The following L3MBTL4 variants were observed in gnomAD, a reference collection of about 807,000 sequenced individuals.
L3MBTL4 encodes L3MBTL histone methyl-lysine binding protein 4, also known as lethal(3)malignant brain tumor-like protein 4.
In L3MBTL4, 70 loss-of-function variants were observed where a neutral mutation model predicts 84.5. The observed-to-expected ratio is 0.83, with a 90% confidence interval of 0.68 to 1.01. The LOEUF (loss-of-function observed/expected upper bound fraction) is 1.01. L3MBTL4 is among the 50% of genes least tolerant of loss of function. L3MBTL4 has a pLI of 0.00. For synonymous variants in L3MBTL4, 274 were observed against 259.8 expected (o/e 1.05, Z -0.52); for missense variants, 715 against 754.8 (o/e 0.95, Z 0.62).
intron 14 of L3MBTL4, among the ~76,000 whole-genome samples, chr18:6,116,362 T>G (rs1339807253): frequency 1.4e-5 from 1 of 72,924 alleles, no homozygotes; most frequent in South Asian, 5.5e-4. Context: ...GTTGCTGGTT[T>G]TTTTTTTTTT....
chr18:6,158,691 T>C (rs1375693457), intron 13 of L3MBTL4, among the ~76,000 whole-genome samples: 9 of 152,178 alleles, frequency 5.9e-5, no homozygotes, highest in Non-Finnish European at 1.3e-4. Flanking sequence ...TGTACATCTG[T>C]AGAAAGAGAT....
intron 1 of L3MBTL4, among the ~76,000 whole-genome samples, chr18:6,330,951 A>G (rs899770274): frequency 6.6e-5 from 10 of 152,234 alleles, no homozygotes; most frequent in African/African-American, 2.2e-4. Flanking sequence ...GGCTACAGAA[A>G]TATAAAATAA....
intron 1 of L3MBTL4, among the ~76,000 whole-genome samples, chr18:6,351,758 A>G (rs1219272117): frequency 4.0e-5 from 6 of 151,878 alleles, no homozygotes; most frequent in South Asian, 4.2e-4. Context: ...TCACCATGTT[A>G]GCCAGGATGG....
rs115159093 is a variant in L3MBTL4, at chr18:6,183,920, C to T, written c.982-11978G>A. On this transcript the variant is annotated intron_variant, in intron 12 of 18. Coordinates refer to ENST00000317931, the MANE Select transcript of L3MBTL4 (RefSeq NM_001330559.2). ...CTCATTATAACATTAAAAAAATACACGTTAGTCTAACGTTGCAAAATTTCC... is the reference window on the plus strand; with the variant it reads ...CTCATTATAACATTAAAAAAATACATGTTAGTCTAACGTTGCAAAATTTCC... 2.1e-3 allele frequency among the ~76,000 whole-genome samples: 318 copies of T among 152,182 alleles called. 2 individuals carry two copies. Among genetic ancestry groups the T allele is most frequent in the Middle Eastern group, 0.01 (3 of 292 alleles).
In L3MBTL4 at chr18:6,414,420, C is replaced by G. The variant is rs990419063; in HGVS notation, c.-91+381G>C. On this transcript the variant is annotated intron_variant, in intron 1 of 18. Transcript: ENST00000317931. The surrounding 1 kb of genome is among the most constrained non-coding windows in gnomAD (Gnocchi z 5.4). ...CCTGGGGGCCCTCAGGAGTCCCGTC[C>G]CGTCCCGCTCCCCCGGTCCCAGGCT... Among the ~76,000 whole-genome samples, 13 of 152,166 alleles carry G rather than the reference C, an allele frequency of 8.5e-5. No individual in the cohort carries two copies. Among genetic ancestry groups the G allele is most frequent in the Non-Finnish European group, 1.2e-4 (8 of 67,970 alleles).
chr18:6,243,712 G>A (rs1245514280), intron 6 of L3MBTL4, among the ~76,000 whole-genome samples: 1 of 152,136 alleles, frequency 6.6e-6, no homozygotes, highest in Non-Finnish European at 1.5e-5. Flanking sequence ...TAATTAACTG[G>A]TTTATTTATT....
chr18:6,414,902 C>T lies in L3MBTL4; in HGVS notation c.-192G>A, dbSNP rs1386714640. 6.7e-6 allele frequency: 1 copy of T among 149,580 alleles called. No homozygotes were observed. Among genetic ancestry groups the T allele is most frequent in the African/African-American group, 2.4e-5 (1 of 41,236 alleles). The allele number at this position is 149,580 out of a possible 1,614,324, so 9.3% of individuals were successfully genotyped here. On this transcript the variant is annotated 5_prime_UTR_variant, in exon 1 of 19. Coordinates refer to ENST00000317931, the MANE Select transcript of L3MBTL4 (RefSeq NM_001330559.2). The surrounding 1 kb of genome is among the most constrained non-coding windows in gnomAD (Gnocchi z 5.4). The stretch of plus-strand genomic sequence containing the variant: ...AGCCCAGGCTGCGGCGCCGCTGCCC[C>T]GCGGTGCCCGGCGGGAGGGGCGCGA...
At chr18:6,412,518 T>C (rs1183348657) in intron 1 of L3MBTL4, among the ~76,000 whole-genome samples, 4 of 152,104 alleles carry the variant, frequency 2.6e-5, no homozygotes, top group Middle Eastern at 3.2e-3. Flanking sequence ...GTGCTGGTGC[T>C]TCCTACGCAG....
intron 13 of L3MBTL4, among the ~76,000 whole-genome samples, chr18:6,150,064 T>C (rs991235552): frequency 2.6e-5 from 4 of 152,230 alleles, no homozygotes; most frequent in Non-Finnish European, 5.9e-5. Context: ...CCCCAGCTCT[T>C]GAACTGTTTT....
At chr18:6,261,612 C>T (rs1202904896) in intron 5 of L3MBTL4, among the ~76,000 whole-genome samples, 1 of 152,164 alleles carries the variant, frequency 6.6e-6, no homozygotes, top group Non-Finnish European at 1.5e-5. Flanking sequence ...GCTACATGAC[C>T]CAGAGCCTAT....
chr18:6,281,286 C>T (rs1344249780), intron 4 of L3MBTL4, among the ~76,000 whole-genome samples: 2 of 152,172 alleles, frequency 1.3e-5, no homozygotes, highest in African/African-American at 4.8e-5. Flanking sequence ...CAAAACAAAG[C>T]ATCCATAGCT....
rs567154677 is a variant in L3MBTL4 at position 5,990,637 on chromosome 18, T to G, written c.1445-21075A>C. Among the ~76,000 whole-genome samples, 4 of 152,332 alleles carry G rather than the reference T, an allele frequency of 2.6e-5. No homozygotes were observed. The East Asian group carries it at 7.7e-4, about 29-fold the overall frequency. ...TTTTGCTTATGTGCGTGGATAGTAA[T>G]TGAGTCCCATGTTTCCTCTATAAAA... On this transcript the variant is annotated intron_variant, in intron 16 of 18. Coordinates refer to ENST00000317931, the MANE Select transcript of L3MBTL4 (RefSeq NM_001330559.2).
intron 4 of L3MBTL4, among the ~76,000 whole-genome samples, chr18:6,297,813 C>T (rs1411403484): frequency 6.6e-6 from 1 of 152,198 alleles, no homozygotes; most frequent in African/African-American, 2.4e-5. Flanking sequence ...GACCAGTCCC[C>T]TGGGGGTCTC....
chr18:6,070,151 T>A (rs2057537093), intron 16 of L3MBTL4, among the ~76,000 whole-genome samples: 1 of 152,110 alleles, frequency 6.6e-6, no homozygotes, highest in African/African-American at 2.4e-5. Context: ...TTTGAGGAGA[T>A]AATGGTCAAA....
intron 13 of L3MBTL4, among the ~76,000 whole-genome samples, chr18:6,163,409 A>G (rs930673927): frequency 1.3e-5 from 2 of 152,018 alleles, no homozygotes; most frequent in African/African-American, 4.8e-5. Flanking sequence ...AATCAATAAA[A>G]CATAAATATT....
At chr18:6,278,206 C>A (rs2146548049) in intron 4 of L3MBTL4, among the ~76,000 whole-genome samples, 1 of 152,062 alleles carries the variant, frequency 6.6e-6, no homozygotes, top group South Asian at 2.1e-4. Flanking sequence ...TAATGTTTTG[C>A]TATATATTTG....
chr18:6,057,009 TTTTTC>T (rs2057049222), intron 16 of L3MBTL4, among the ~76,000 whole-genome samples: 1 of 152,040 alleles, frequency 6.6e-6, no homozygotes, highest in Non-Finnish European at 1.5e-5. Context: ...CCACTGCTAA[TTTTTC>T]TTTTCTTTCT....
intron 5 of L3MBTL4, among the ~76,000 whole-genome samples, chr18:6,249,231 A>G (rs1201878655): frequency 6.6e-6 from 1 of 152,230 alleles, no homozygotes. Flanking sequence ...GCAATGAAAA[A>G]GGTAGACCAC....
chr18:6,336,346 T>G (rs1166846447), intron 1 of L3MBTL4, among the ~76,000 whole-genome samples: 1 of 152,196 alleles, frequency 6.6e-6, no homozygotes, highest in Non-Finnish European at 1.5e-5. Context: ...AGAGTTTACG[T>G]GATCTTCGGA....
Sources: allele counts gnomAD v4.1 joint callset (sites outside exome capture counted in the v4.1 genomes callset), GRCh38; gene constraint gnomAD v4.1.1; non-coding constraint Gnocchi (gnomAD v3.1); transcripts MANE v1.5; gene names NCBI Gene and HGNC (gene_info 2026-07-23, HGNC 2026-07-21).